The following MAPRE2 variants were observed in gnomAD, a reference collection of about 807,000 sequenced individuals.
MAPRE2 encodes microtubule associated protein RP/EB family member 2.
MAPRE2 carries 13 observed loss-of-function variants against 43.2 expected under a neutral mutation model. That is an observed-to-expected ratio of 0.30 (90% CI 0.20 to 0.48). The LOEUF is 0.48. MAPRE2 is among the 20% of genes least tolerant of loss of function. MAPRE2 has a pLI of 0.99. For missense variants in MAPRE2, 161 were observed against 400.2 expected, an observed-to-expected ratio of 0.40 and a Z score of 5.10; for synonymous variants, 135 against 148.8, an observed-to-expected ratio of 0.91 and a Z score of 0.68.
chr18:35,029,819 G>C (rs1167282965), intron 2 of MAPRE2, among the ~76,000 whole-genome samples: 2 of 152,170 alleles, frequency 1.3e-5, no homozygotes, highest in Non-Finnish European at 2.9e-5. Context: ...GGAAATAGAG[G>C]AATTTCATAA....
At chr18:35,040,416 G>C (rs546182692), upstream of MAPRE2, among the ~76,000 whole-genome samples, 171 of 152,264 alleles carry the variant, frequency 1.1e-3, 1 homozygote, top group Non-Finnish European at 2.0e-3. Flanking sequence ...TTACTGTCCA[G>C]TCACATTGAT....
chr18:34,999,666 T>G (rs2097028342), intron 1 of MAPRE2, among the ~76,000 whole-genome samples: 1 of 152,200 alleles, frequency 6.6e-6, no homozygotes, highest in African/African-American at 2.4e-5. Context: ...TATAATTTTT[T>G]TGAAGTCCTT....
At chr18:35,042,385 C>CT (rs1905413889) in intron 1 of MAPRE2, among the ~76,000 whole-genome samples, 1 of 152,238 alleles carries the variant, frequency 6.6e-6, no homozygotes, top group Admixed American at 6.5e-5. Flanking sequence ...GATTCCTGGT[C>CT]TTTTGCTGAG....
At chr18:34,996,729 T>A (rs1003788925) in intron 1 of MAPRE2, among the ~76,000 whole-genome samples, 1 of 152,230 alleles carries the variant, frequency 6.6e-6, no homozygotes, top group African/African-American at 2.4e-5. Context: ...GTGGCTAATA[T>A]GTTGAACAAA....
At chr18:35,033,072 T>C (rs140066168) in intron 2 of MAPRE2, among the ~76,000 whole-genome samples, 1 of 152,236 alleles carries the variant, frequency 6.6e-6, no homozygotes, top group East Asian at 1.9e-4. Context: ...AAGAGAATTT[T>C]AGACCAATAT....
intron 6 of MAPRE2, among the ~76,000 whole-genome samples, chr18:35,132,426 G>A (rs546508096): frequency 6.6e-6 from 1 of 152,362 alleles, no homozygotes; most frequent in South Asian, 2.1e-4. Flanking sequence ...GGTGGGGAAG[G>A]CTTTGACAGA....
At chr18:35,085,903 C>T (rs1462020594) in intron 2 of MAPRE2, among the ~76,000 whole-genome samples, 1 of 152,188 alleles carries the variant, frequency 6.6e-6, no homozygotes, top group Non-Finnish European at 1.5e-5. Context: ...TCCTGCCTTC[C>T]CATTCTTTGT....
At chr18:35,032,674 G>GT (rs920397081) in intron 2 of MAPRE2, among the ~76,000 whole-genome samples, 25 of 151,270 alleles carry the variant, frequency 1.7e-4, no homozygotes, top group Admixed American at 2.0e-4. Flanking sequence ...CTCTTCCTGG[G>GT]TTTTTTTTTG....
intron 2 of MAPRE2, among the ~76,000 whole-genome samples, chr18:35,089,992 TA>T (rs1908067272): frequency 6.6e-6 from 1 of 152,220 alleles, no homozygotes; most frequent in Non-Finnish European, 1.5e-5. Flanking sequence ...ACAACATGGA[TA>T]AACCTTGAGA....
intron 1 of MAPRE2, among the ~76,000 whole-genome samples, chr18:35,000,757 C>G (rs2097028884): frequency 6.6e-6 from 1 of 152,150 alleles, no homozygotes; most frequent in Admixed American, 6.5e-5. Flanking sequence ...TTCTGAGGAG[C>G]TGCCCTAGTG....
intron 2 of MAPRE2, among the ~76,000 whole-genome samples, chr18:35,071,225 G>A (rs751745731): frequency 8.5e-5 from 13 of 152,178 alleles, no homozygotes; most frequent in East Asian, 1.9e-4. Context: ...TTTAAAAAAC[G>A]TGCTGCTAGG....
At chr18:35,065,738 G>T (rs1906805550) in intron 1 of MAPRE2, among the ~76,000 whole-genome samples, 1 of 152,040 alleles carries the variant, frequency 6.6e-6, no homozygotes, top group South Asian at 2.1e-4. Flanking sequence ...ATTTTTAGTA[G>T]AGACAGGATT....
At chr18:35,007,406 T>C (rs2097032342) in intron 2 of MAPRE2, among the ~76,000 whole-genome samples, 1 of 152,232 alleles carries the variant, frequency 6.6e-6, no homozygotes, top group Admixed American at 6.5e-5. Context: ...CTAAATCTCC[T>C]TATATATGGG....
chr18:34,978,534 A>C, intron 1 of MAPRE2: 1 of 1,551,726 alleles, frequency 6.4e-7, no homozygotes, highest in Non-Finnish European at 8.7e-7. Flanking sequence ...CAGAACAGAG[A>C]TCAAAAGGTA....
chr18:35,032,914 C>T (rs1296210563), intron 2 of MAPRE2, among the ~76,000 whole-genome samples: 2 of 152,128 alleles, frequency 1.3e-5, no homozygotes, highest in Admixed American at 6.6e-5. Context: ...TCCTGTATTG[C>T]TGGGAGCTTT....
intron 1 of MAPRE2, among the ~76,000 whole-genome samples, chr18:35,062,794 T>C (rs1043992245): frequency 2.0e-5 from 3 of 152,220 alleles, no homozygotes; most frequent in Non-Finnish European, 4.4e-5. Flanking sequence ...TCAGAAATCA[T>C]TATATGCTCA....
chr18:35,036,808 A>G (rs1057484896), upstream of MAPRE2, among the ~76,000 whole-genome samples: 1 of 152,192 alleles, frequency 6.6e-6, no homozygotes, highest in Non-Finnish European at 1.5e-5. Context: ...AAATGAATTG[A>G]TTATATATTC....
At chr18:35,069,525 A>G (rs552336985) in intron 1 of MAPRE2, among the ~76,000 whole-genome samples, 52 of 152,314 alleles carry the variant, frequency 3.4e-4, no homozygotes, top group African/African-American at 1.2e-3. Context: ...GTATAAATCA[A>G]ACAAGATGGT....
intron 2 of MAPRE2, among the ~76,000 whole-genome samples, chr18:35,029,453 G>A (rs2097046757): frequency 6.6e-6 from 1 of 152,168 alleles, no homozygotes; most frequent in Non-Finnish European, 1.5e-5. Context: ...CCTGGGTTCT[G>A]AGTAGCTCTG....
Sources: allele counts gnomAD v4.1 joint callset (sites outside exome capture counted in the v4.1 genomes callset), GRCh38; gene constraint gnomAD v4.1.1; transcripts MANE v1.5; gene names NCBI Gene and HGNC (gene_info 2026-07-23, HGNC 2026-07-21).